C17orf75: variants seen among roughly 807,000 people sequenced by gnomAD.
C17orf75 encodes the protein protein Njmu-R1.
Under a neutral mutation model 49.6 loss-of-function variants are expected in C17orf75, and 32 were observed. That is an observed-to-expected ratio of 0.65 (90% CI 0.49 to 0.87). The LOEUF (loss-of-function observed/expected upper bound fraction) is 0.87, where lower values mean the gene tolerates loss of function less well. Ranked by LOEUF, C17orf75 falls within the 40% of genes least tolerant of loss-of-function variation. The pLI, the probability that C17orf75 is intolerant of heterozygous loss-of-function variation, is 0.00. For missense variants in C17orf75, 428 were observed against 473.9 expected, an observed-to-expected ratio of 0.90 and a Z score of 0.90; for synonymous variants, 158 against 159.5, an observed-to-expected ratio of 0.99 and a Z score of 0.07.
chr17:32,348,525 C>G (rs1205224713), intron 1 of C17orf75, among the ~76,000 whole-genome samples: 1 of 152,184 alleles, frequency 6.6e-6, no homozygotes, highest in Non-Finnish European at 1.5e-5. Context: ...CCATGGATGT[C>G]TGCTATTATT....
In C17orf75 at chr17:32,329,548, G is replaced by A. The variant is rs927230388; in HGVS notation, c.*2215C>T. ...AGACTATCATATAGAGCTGTGTAAT[G>A]TAGTGAGCCTACATTACAAAAATAT... On this transcript the variant is annotated 3_prime_UTR_variant, in exon 10 of 10. Transcript: ENST00000577809. The A allele has an allele frequency of 6.6e-6, 1 of 151,298 alleles. No individual in the cohort carries two copies. Among genetic ancestry groups the A allele is most frequent in the Non-Finnish European group, 1.5e-5 (1 of 67,866 alleles). 9.4% of individuals were successfully genotyped at this position (151,298 alleles called of 1,614,324 possible).
At chr17:32,339,770 G>A (rs776208064) in intron 3 of C17orf75, 43 bp downstream of exon 3, 1 of 1,605,438 alleles carries the variant, frequency 6.2e-7, no homozygotes, top group Non-Finnish European at 8.5e-7. Flanking sequence ...CTCATATTTA[G>A]TTCAGAAATA....
At chr17:32,349,373 G>C (rs2041461126) in intron 1 of C17orf75, among the ~76,000 whole-genome samples, 1 of 151,800 alleles carries the variant, frequency 6.6e-6, no homozygotes, top group African/African-American at 2.4e-5. Context: ...CTTGAGCCCA[G>C]GAGTTCGAGA....
chr17:32,342,267 C>T, upstream of C17orf75: 1 of 1,367,620 alleles, frequency 7.3e-7, no homozygotes. Context: ...TCCCCGGGTT[C>T]GCAGGCAAGG....
intron 9 of C17orf75, among the ~76,000 whole-genome samples, chr17:32,333,044 C>T (rs1030200787): frequency 3.9e-5 from 6 of 152,154 alleles, no homozygotes; most frequent in Non-Finnish European, 7.3e-5. Flanking sequence ...CTCCTGGCCT[C>T]AAGCAATCCA....
At chr17:32,334,732 TTGC>T (rs1555600506) in intron 7 of C17orf75, 40 bp downstream of exon 7, 1 of 1,569,228 alleles carries the variant, frequency 6.4e-7, no homozygotes, top group Non-Finnish European at 8.7e-7. Flanking sequence ...GATGTCAATC[TTGC>T]TGTGGAAAAG....
chr17:32,332,880 G>A (rs1370315673), intron 9 of C17orf75, among the ~76,000 whole-genome samples: 1 of 152,108 alleles, frequency 6.6e-6, no homozygotes, highest in African/African-American at 2.4e-5. Flanking sequence ...CACAATCTGG[G>A]CTCACTGCAA....
chr17:32,349,303 T>TGAG (rs1567807879), intron 1 of C17orf75, among the ~76,000 whole-genome samples: 3 of 151,864 alleles, frequency 2.0e-5, no homozygotes, highest in South Asian at 2.1e-4. Context: ...CTTTCTTATG[T>TGAG]CGGGCGCAGC....
intron 2 of C17orf75, among the ~76,000 whole-genome samples, chr17:32,340,709 C>T (rs11654833): frequency 0.35 from 53,569 of 151,468 alleles, 10,447 homozygotes; most frequent in Non-Finnish European, 0.43. Context: ...CAACACTTTG[C>T]GAGGCAGAAG....
At chr17:32,333,079 G>A (rs977448820) in intron 9 of C17orf75, among the ~76,000 whole-genome samples, 2 of 152,248 alleles carry the variant, frequency 1.3e-5, no homozygotes, top group East Asian at 3.9e-4. Flanking sequence ...CCAAAGTGCT[G>A]GGATTACAGG....
At chr17:32,332,330 C>T (rs368432430) in intron 9 of C17orf75, among the ~76,000 whole-genome samples, 6 of 151,998 alleles carry the variant, frequency 3.9e-5, no homozygotes, top group African/African-American at 1.2e-4. Flanking sequence ...TCAGTAGAGA[C>T]GGGGTTTCAC....
In C17orf75 at chr17:32,333,538, G is replaced by A; in HGVS notation, c.872-18C>T. On this transcript the variant is annotated intron_variant, in intron 8 of 9. Transcript: ENST00000577809. ...GTTACTTCCTATAAAACATTTCAGA[G>A]AGACTAAATAAAATGAAATTTTACA... is the stretch of plus-strand genomic sequence containing the variant. 6.4e-7 allele frequency: 1 copy of A among 1,555,956 alleles called. No individual in the cohort carries two copies. The highest frequency in any genetic ancestry group is 8.7e-7 in the Non-Finnish European group (1 of 1,144,008).
intron 2 of C17orf75, 93 bp from the exon 3 acceptor site, chr17:32,340,031 T>C: frequency 1.4e-6 from 2 of 1,475,794 alleles, no homozygotes; most frequent in Non-Finnish European, 9.1e-7. Flanking sequence ...CAGGGGCTCT[T>C]TTAAGGACTG....
upstream of C17orf75, among the ~76,000 whole-genome samples, chr17:32,344,303 C>T (rs867765129): frequency 5.9e-5 from 9 of 152,164 alleles, no homozygotes; most frequent in African/African-American, 1.4e-4. Context: ...CCAGGTGGTA[C>T]GTGTTATAGC....
In C17orf75 at chr17:32,337,951, G is replaced by A; in HGVS notation, c.495C>T (p.Phe165=). ...LGGSEKGLEL[F]RLELDKYIQG... ...GAATGTACTTGTCCAATTCAAGCCT[G>A]AAAGTATGTTCTTAAGGAAGCAATA... Residue 165 remains phenylalanine, a synonymous_variant, in exon 5 of 10, where the codon TTC becomes TTT. Coordinates refer to ENST00000577809, the MANE Select transcript of C17orf75 (RefSeq NM_022344.4). 6.2e-7 allele frequency: 1 copy of A among 1,601,452 alleles called. No individual in the cohort carries two copies. Among genetic ancestry groups the A allele is most frequent in the Non-Finnish European group, 8.5e-7 (1 of 1,172,926 alleles).
At chr17:32,345,121 G>A (rs2150781054), upstream of C17orf75, among the ~76,000 whole-genome samples, 1 of 152,212 alleles carries the variant, frequency 6.6e-6, no homozygotes, top group Non-Finnish European at 1.5e-5. Flanking sequence ...GCTCTTGCAT[G>A]TCTGAAAATA....
chr17:32,349,148 C>T lies in C17orf75; in HGVS notation c.-7+794G>A, dbSNP rs547536546. ...TGGCCCATAGTGTTGGGATTACTGG[C>T]GTGAGCAACCGCGCCCGGCTATCAG... On this transcript the variant is annotated intron_variant, in intron 1 of 8. Coordinates refer to the C17orf75 transcript ENST00000583774. Among the ~76,000 whole-genome samples the T allele has an allele frequency of 1.8e-4, 27 of 151,758 alleles. No individual in the cohort carries two copies. The South Asian group carries it at 5.7e-3, about 32-fold the overall frequency.
At chr17:32,342,680 A>C (rs116337376), upstream of C17orf75, among the ~76,000 whole-genome samples, 1,120 of 152,360 alleles carry the variant, frequency 7.4e-3, 17 homozygotes, top group African/African-American at 0.026. Flanking sequence ...TCACGCCTGT[A>C]ATTCCAGTGC....
chr17:32,347,995 C>T (rs2041437905), intron 1 of C17orf75, among the ~76,000 whole-genome samples: 1 of 151,892 alleles, frequency 6.6e-6, no homozygotes, highest in Non-Finnish European at 1.5e-5. Context: ...CAGGCTTGAG[C>T]AACTGCACCC....
Sources: allele counts gnomAD v4.1 joint callset (sites outside exome capture counted in the v4.1 genomes callset), GRCh38; gene constraint gnomAD v4.1.1; transcripts MANE v1.5; gene names NCBI Gene and HGNC (gene_info 2026-07-23, HGNC 2026-07-21).